The following PCDHA4 variants were observed in gnomAD, a reference collection of about 807,000 sequenced individuals.
PCDHA4 encodes protocadherin alpha-4.
In PCDHA4, 49 loss-of-function variants were observed where a neutral mutation model predicts 61.4. That is an observed-to-expected ratio of 0.80 (90% confidence interval 0.63 to 1.01). The LOEUF is 1.01. Among genes scored for constraint, PCDHA4 ranks in the 50% least tolerant of loss-of-function variants. The pLI is 0.00. For missense variants in PCDHA4, 1,254 were observed against 1,235.8 expected, an observed-to-expected ratio of 1.01 and a Z score of -0.22; for synonymous variants, 590 against 550.3, an observed-to-expected ratio of 1.07 and a Z score of -1.01.
intron 1 of PCDHA4, chr5:140,857,675 C>T (rs1343696069): frequency 3.1e-6 from 5 of 1,596,928 alleles, no homozygotes; most frequent in Admixed American, 3.4e-5. Context: ...GGGCGTGCCG[C>T]CTCTGGGCAG....
At chr5:140,824,621 T>A (rs536552035) in intron 1 of PCDHA4, 1 of 130,846 alleles carries the variant, frequency 7.6e-6, no homozygotes, top group Non-Finnish European at 1.6e-5. Flanking sequence ...TTTTTTTTTT[T>A]TTTTTTTTTT....
At chr5:140,857,599 C>T (rs2044712961) in intron 1 of PCDHA4, 1 of 1,596,308 alleles carries the variant, frequency 6.3e-7, no homozygotes, top group Non-Finnish European at 8.6e-7. Flanking sequence ...GCAAGGTGTA[C>T]GCGCTGCAGC....
chr5:140,928,896 A>G, intron 1 of PCDHA4: 3 of 1,614,108 alleles, frequency 1.9e-6, no homozygotes, highest in Non-Finnish European at 2.5e-6. Context: ...CAGACTTTGA[A>G]GATGTCTGGG....
intron 1 of PCDHA4, chr5:140,877,898 A>G: frequency 6.9e-7 from 1 of 1,445,150 alleles, no homozygotes. Context: ...CGTTTAGGTT[A>G]TAACTACATT....
chr5:140,892,595 AT>A (rs1385818954), intron 1 of PCDHA4, among the ~76,000 whole-genome samples: 1 of 151,958 alleles, frequency 6.6e-6, no homozygotes, highest in African/African-American at 2.4e-5. Flanking sequence ...TCATTCACCT[AT>A]TTTTTTCCTT....
chr5:140,858,025 G>A, intron 1 of PCDHA4: 1 of 1,596,948 alleles, frequency 6.3e-7, no homozygotes, highest in Non-Finnish European at 8.6e-7. Context: ...CGTCGCTGAC[G>A]GCCACGGCCA....
At chr5:140,841,928 G>C in intron 1 of PCDHA4, 1 of 1,613,910 alleles carries the variant, frequency 6.2e-7, no homozygotes, top group Non-Finnish European at 8.5e-7. Context: ...CTTGGACAGA[G>C]AGGACGCTCC....
In PCDHA4 at chr5:140,858,295, G is replaced by A. The variant is rs190932191; in HGVS notation, c.2385+48723G>A. ...GCGCGGTGGGGAGCTGGTCTTACTC[G>A]CAGCAGAGGCGGCAGAGGGTGTGTT... On this transcript the variant is annotated intron_variant, in intron 1 of 3. Coordinates refer to ENST00000530339, the MANE Select transcript of PCDHA4 (RefSeq NM_018907.4). 2.6e-3 allele frequency: 4,219 copies of A among 1,597,346 alleles called. 330 individuals are homozygous for A. The highest frequency in any genetic ancestry group is 0.01 in the Middle Eastern group (61 of 5,988).
intron 1 of PCDHA4, among the ~76,000 whole-genome samples, chr5:140,939,155 G>C (rs1279259680): frequency 6.6e-6 from 1 of 152,196 alleles, no homozygotes; most frequent in Non-Finnish European, 1.5e-5. Flanking sequence ...GGTCCTGGCA[G>C]ATTTGTGTCT....
At position 140,911,726 on chromosome 5, in the gene PCDHA4, G is replaced by GTTCGTGCCAAGGAC. The variant is rs372287116; in HGVS notation, c.2386-67221_2386-67208dup. On this transcript the variant is annotated intron_variant, in intron 1 of 3. Transcript: ENST00000530339. ...TTTATTTTGTGTAACTCTGTAAACAGTTCGTGCCAAGGACTATCAGTGTTC... is the reference window on the plus strand; with the variant it reads ...TTTATTTTGTGTAACTCTGTAAACAGTTCGTGCCAAGGACTTCGTGCCAAGGACTATCAGTGTTC... Among the ~76,000 whole-genome samples, 876 of 152,272 alleles carry GTTCGTGCCAAGGAC rather than the reference G, an allele frequency of 5.8e-3. 6 individuals are homozygous for GTTCGTGCCAAGGAC. The highest frequency in any genetic ancestry group is 0.018 in the African/African-American group (761 of 41,552).
At chr5:140,836,901 A>C in intron 1 of PCDHA4, 1 of 593,722 alleles carries the variant, frequency 1.7e-6, no homozygotes. Flanking sequence ...AAGTACGTTT[A>C]ATATACACTT....
chr5:140,840,702 AT>A (rs1776827167), intron 1 of PCDHA4, among the ~76,000 whole-genome samples: 1 of 152,096 alleles, frequency 6.6e-6, no homozygotes, highest in South Asian at 2.1e-4. Flanking sequence ...GGTTCAGGCA[AT>A]TTGACATTTA....
At chr5:140,823,372 C>A in intron 1 of PCDHA4, 1 of 1,612,598 alleles carries the variant, frequency 6.2e-7, no homozygotes, top group Non-Finnish European at 8.5e-7. Context: ...GCTGCAGTTC[C>A]AGGTGAGCGC....
At chr5:140,825,623 T>C (rs2150140441) in intron 1 of PCDHA4, 11 of 151,926 alleles carry the variant, frequency 7.2e-5, no homozygotes, top group African/African-American at 1.7e-4. Context: ...GGTTTCACCA[T>C]GTTGGTCATG....
At chr5:140,927,090 C>T (rs368092094) in intron 1 of PCDHA4, 34 of 1,612,532 alleles carry the variant, frequency 2.1e-5, no homozygotes, top group Non-Finnish European at 1.4e-5. Flanking sequence ...AGCTCTACTT[C>T]GGGGTGGATC....
In PCDHA4 at chr5:140,807,094, T is replaced by A; in HGVS notation, c.-94T>A. On this transcript the variant is annotated 5_prime_UTR_variant, in exon 1 of 4. The change abolishes an upstream ATG in the 5' untranslated region. Transcript: ENST00000530339. ...TATACACTCTTTGGAGTCTGAAATA[T>A]GGAGGATGCAGCTGCACTTGACTGA... 7.3e-7 allele frequency: 1 copy of A among 1,376,084 alleles called. No individual in the cohort carries two copies. The allele number at this position is 1,376,084 out of a possible 1,614,324, so 85.2% of individuals were successfully genotyped here. A position where few individuals can be genotyped will look rare whatever the true frequency, so the allele number is the denominator to read the frequency against.
intron 1 of PCDHA4, chr5:140,823,215 C>T (rs916835953): frequency 6.2e-7 from 1 of 1,613,770 alleles, no homozygotes; most frequent in South Asian, 1.1e-5. Flanking sequence ...CTGCACGGGA[C>T]GCGGACGCGC....
intron 1 of PCDHA4, among the ~76,000 whole-genome samples, chr5:140,976,481 G>A (rs549195125): frequency 6.6e-6 from 1 of 152,160 alleles, no homozygotes; most frequent in South Asian, 2.1e-4. Flanking sequence ...AATCCGGGAG[G>A]CAGAGGTTGC....
At position 140,807,097 on chromosome 5, in the gene PCDHA4, A is replaced by G; in HGVS notation, c.-91A>G. 1 of 1,390,244 alleles carries G rather than the reference A, an allele frequency of 7.2e-7. No individual in the cohort carries two copies. The highest frequency in any genetic ancestry group is 9.9e-7 in the Non-Finnish European group (1 of 1,013,372). 86.1% of individuals were successfully genotyped at this position (1,390,244 alleles called of 1,614,324 possible). A position where few individuals can be genotyped will look rare whatever the true frequency, so the allele number is the denominator to read the frequency against. On this transcript the variant is annotated 5_prime_UTR_variant, in exon 1 of 4. Coordinates refer to ENST00000530339, the MANE Select transcript of PCDHA4 (RefSeq NM_018907.4). ...ACACTCTTTGGAGTCTGAAATATGG[A>G]GGATGCAGCTGCACTTGACTGACCG...
Sources: allele counts gnomAD v4.1 joint callset (sites outside exome capture counted in the v4.1 genomes callset), GRCh38; gene constraint gnomAD v4.1.1; transcripts MANE v1.5; gene names NCBI Gene and HGNC (gene_info 2026-07-23, HGNC 2026-07-21).